Variants in UGT1A8 observed in about 807,000 individuals in gnomAD.
The protein encoded by UGT1A8 is UDP-glucuronosyltransferase 1A8.
Under a neutral mutation model 45.3 loss-of-function variants are expected in UGT1A8, and 39 were observed. The ratio of observed to expected loss-of-function variants is 0.86; its 90% confidence interval spans 0.67 to 1.12. The LOEUF (loss-of-function observed/expected upper bound fraction) is 1.12. UGT1A8 is among the 50% of genes most tolerant of loss of function. The probability of loss-of-function intolerance (pLI) is 0.00; values close to 1 mark genes in which losing one functional copy is unlikely to be tolerated. For missense variants in UGT1A8, 719 were observed against 664.9 expected (o/e 1.08, Z -0.90); for synonymous variants, 275 against 249.2 (o/e 1.10, Z -0.97).
chr2:233,731,986 G>T (rs184170345), intron 1 of UGT1A8, among the ~76,000 whole-genome samples: 1 of 152,194 alleles, frequency 6.6e-6, no homozygotes, highest in Non-Finnish European at 1.5e-5. Context: ...TCTAACTGGC[G>T]TGAGATGGTA....
chr2:233,636,966 T>G, intron 1 of UGT1A8: 1 of 1,614,190 alleles, frequency 6.2e-7, no homozygotes, highest in Non-Finnish European at 8.5e-7. Context: ...TGTTTCTGGA[T>G]CCTTTTGATA....
chr2:233,650,073 C>A (rs28969991), intron 1 of UGT1A8, among the ~76,000 whole-genome samples: 5 of 152,018 alleles, frequency 3.3e-5, no homozygotes, highest in East Asian at 1.9e-4. Context: ...TGGGTTCAAG[C>A]GATTCACCTG....
rs577402898 is a variant in UGT1A8 at position 233,631,207 on chromosome 2, A to G, written c.855+12645A>G. Among the ~76,000 whole-genome samples, 8 of 152,286 alleles carry G rather than the reference A, an allele frequency of 5.3e-5. No individual in the cohort carries two copies. The East Asian group carries it at 1.5e-3, about 29-fold the overall frequency. On this transcript the variant is annotated intron_variant, in intron 1 of 4. Transcript: ENST00000373450. ...ATGGCTGCATAGTATTCCATGGTGT[A>G]TATGTGCCACATTTTCTTTATCCAG... is the stretch of plus-strand genomic sequence containing the variant.
At chr2:233,768,483 T>G in intron 4 of UGT1A8, 44 bp downstream of exon 4, 1 of 1,586,708 alleles carries the variant, frequency 6.3e-7, no homozygotes. Flanking sequence ...ATGGCATTCA[T>G]GATAAAATTG....
intron 1 of UGT1A8, among the ~76,000 whole-genome samples, chr2:233,686,310 C>G (rs2074783294): frequency 6.6e-6 from 1 of 151,772 alleles, no homozygotes; most frequent in African/African-American, 2.4e-5. Flanking sequence ...AGAGATAAAT[C>G]TGACTTTATC....
chr2:233,693,131 A>G, intron 1 of UGT1A8: 1 of 1,614,212 alleles, frequency 6.2e-7, no homozygotes, highest in Non-Finnish European at 8.5e-7. Flanking sequence ...GCTTAGTATG[A>G]AGGATATAGT....
At chr2:233,717,241 C>T (rs1043328555) in intron 1 of UGT1A8, among the ~76,000 whole-genome samples, 3 of 152,144 alleles carry the variant, frequency 2.0e-5, no homozygotes, top group African/African-American at 7.2e-5. Flanking sequence ...AAGATGCAGA[C>T]AGTTTTAAGG....
chr2:233,737,416 C>T (rs1321045619), intron 1 of UGT1A8, among the ~76,000 whole-genome samples: 5 of 152,210 alleles, frequency 3.3e-5, no homozygotes, highest in Non-Finnish European at 7.3e-5. Context: ...TTGGGAAAAG[C>T]ACAGTATTTG....
chr2:233,672,451 C>T (rs756268020), intron 1 of UGT1A8: 11 of 1,613,824 alleles, frequency 6.8e-6, no homozygotes, highest in South Asian at 1.1e-5. Context: ...CAGGGGAATA[C>T]TTTGCCACTA....
chr2:233,720,745 G>A (rs12463910), intron 1 of UGT1A8, among the ~76,000 whole-genome samples: 11,915 of 147,388 alleles, frequency 0.081, 607 homozygotes, highest in East Asian at 0.21. Context: ...TCGTTCTGTC[G>A]CCCAGGCTGG....
intron 1 of UGT1A8, among the ~76,000 whole-genome samples, chr2:233,731,794 A>G (rs1329897659): frequency 6.6e-6 from 1 of 152,192 alleles, no homozygotes; most frequent in African/African-American, 2.4e-5. Context: ...GTTTGGGTAT[A>G]TACCCAGTAA....
intron 1 of UGT1A8, among the ~76,000 whole-genome samples, chr2:233,638,134 G>A (rs1575392264): frequency 6.6e-6 from 1 of 152,096 alleles, no homozygotes; most frequent in Non-Finnish European, 1.5e-5. Flanking sequence ...GAGAAGACTG[G>A]CATCTTTTTG....
chr2:233,713,083 T>C, intron 1 of UGT1A8: 1 of 1,614,162 alleles, frequency 6.2e-7, no homozygotes, highest in Non-Finnish European at 8.5e-7. Context: ...AGTGGGAAGG[T>C]GCTGGTGGTG....
At chr2:233,643,438 C>A (rs2073512208) in intron 1 of UGT1A8, among the ~76,000 whole-genome samples, 1 of 152,060 alleles carries the variant, frequency 6.6e-6, no homozygotes, top group Non-Finnish European at 1.5e-5. Flanking sequence ...GAGACTTGCC[C>A]TTCAAGGCAG....
intron 1 of UGT1A8, among the ~76,000 whole-genome samples, chr2:233,731,276 TTTTC>T (rs980011036): frequency 8.2e-5 from 12 of 146,468 alleles, no homozygotes; most frequent in African/African-American, 2.6e-4. Flanking sequence ...CCCTTCCAGT[TTTTC>T]TTTCTTTTTT....
rs575197144 is a variant in UGT1A8 at position 233,676,234 on chromosome 2, A to G, written c.855+57672A>G. ...CTTCACCGATGGATTCATCAGAAGCATGGTTGATGATGAATTCACTGATGA... is the reference window on the plus strand; with the variant it reads ...CTTCACCGATGGATTCATCAGAAGCGTGGTTGATGATGAATTCACTGATGA... On this transcript the variant is annotated intron_variant, in intron 1 of 4. Transcript: ENST00000373450. Among the ~76,000 whole-genome samples the G allele has an allele frequency of 7.2e-5, 11 of 152,306 alleles. No individual in the cohort carries two copies. In the South Asian group the frequency reaches 2.3e-3, roughly 32 times the overall value.
intron 1 of UGT1A8, among the ~76,000 whole-genome samples, chr2:233,716,751 G>C (rs900841882): frequency 3.9e-5 from 6 of 152,184 alleles, no homozygotes; most frequent in African/African-American, 1.4e-4. Context: ...GATTGGGAGA[G>C]GGGAGCTAGA....
At chr2:233,654,783 A>T (rs190797944) in intron 1 of UGT1A8, among the ~76,000 whole-genome samples, 18 of 152,262 alleles carry the variant, frequency 1.2e-4, no homozygotes, top group African/African-American at 3.8e-4. Context: ...CAGTGGCTCT[A>T]TGTGAGTAGT....
chr2:233,666,455 G>A (rs912880403), intron 1 of UGT1A8, among the ~76,000 whole-genome samples: 5 of 152,022 alleles, frequency 3.3e-5, no homozygotes, highest in Admixed American at 6.6e-5. Context: ...TATCTTGAAC[G>A]TCTTTACATG....
Sources: allele counts gnomAD v4.1 joint callset (sites outside exome capture counted in the v4.1 genomes callset), GRCh38; gene constraint gnomAD v4.1.1; transcripts MANE v1.5; gene names NCBI Gene and HGNC (gene_info 2026-07-23, HGNC 2026-07-21).